The following FMN2 variants were observed in gnomAD, a reference collection of about 807,000 sequenced individuals.
FMN2 encodes the protein formin 2.
FMN2 carries 51 observed loss-of-function variants against 142.3 expected under a neutral mutation model. The observed-to-expected ratio is 0.36, with a 90% CI of 0.29 to 0.45. The LOEUF is 0.45. FMN2 is among the 20% of genes least tolerant of loss of function. The pLI, the probability that FMN2 is intolerant of heterozygous loss-of-function variation, is 1.00. For synonymous variants in FMN2, 882 were observed against 869.8 expected (o/e 1.01, Z -0.25); for missense variants, 1,936 against 2,122.8 (o/e 0.91, Z 1.73).
chr1:240,303,144 C>A (rs1193970529), intron 8 of FMN2, among the ~76,000 whole-genome samples: 1 of 152,128 alleles, frequency 6.6e-6, no homozygotes. Context: ...TCTCCTGCCT[C>A]AGATGATCTT....
At chr1:240,349,507 G>A (rs1390488891) in intron 13 of FMN2, among the ~76,000 whole-genome samples, 1 of 151,652 alleles carries the variant, frequency 6.6e-6, no homozygotes, top group East Asian at 1.9e-4. Flanking sequence ...AAAAAAAATA[G>A]CCAGACTCTT....
At chr1:240,152,827 CCTT>C (rs1663844139) in intron 2 of FMN2, among the ~76,000 whole-genome samples, 1 of 152,192 alleles carries the variant, frequency 6.6e-6, no homozygotes, top group Non-Finnish European at 1.5e-5. Context: ...GTCACCACCT[CCTT>C]CTCCCTTACT....
At chr1:240,153,358 G>C (rs1174091313) in intron 2 of FMN2, among the ~76,000 whole-genome samples, 1 of 147,748 alleles carries the variant, frequency 6.8e-6, no homozygotes, top group Non-Finnish European at 1.5e-5. Flanking sequence ...TTCTCAAAAA[G>C]TACCCATTGA....
intron 4 of FMN2, among the ~76,000 whole-genome samples, chr1:240,190,096 T>C (rs1252718137): frequency 6.6e-6 from 1 of 152,216 alleles, no homozygotes; most frequent in Non-Finnish European, 1.5e-5. Context: ...TTCATGTGTG[T>C]AACATTATAG....
intron 4 of FMN2, among the ~76,000 whole-genome samples, chr1:240,194,248 C>T (rs1665828384): frequency 1.3e-5 from 2 of 152,128 alleles, no homozygotes; most frequent in African/African-American, 4.8e-5. Context: ...AGAACATTTG[C>T]TTATATTCAT....
intron 13 of FMN2, among the ~76,000 whole-genome samples, chr1:240,334,522 A>G (rs185259524): frequency 5.3e-5 from 8 of 152,286 alleles, no homozygotes; most frequent in African/African-American, 1.9e-4. Flanking sequence ...ACATTTTGGT[A>G]TTGGTCATGT....
chr1:240,328,168 A>AAAAAAAAAG (rs1553363688), intron 8 of FMN2, among the ~76,000 whole-genome samples: 2 of 135,872 alleles, frequency 1.5e-5, no homozygotes, highest in Admixed American at 1.7e-4. Context: ...AAAAAAAAAA[A>AAAAAAAAAG]AAAAGAAAAA....
rs191724831 is a variant in FMN2 at position 240,109,420 on chromosome 1, T to C, written c.1616-13759T>C. 2.4e-4 allele frequency among the ~76,000 whole-genome samples: 37 copies of C among 152,322 alleles called. No homozygotes were observed. In the East Asian group the frequency reaches 6.0e-3, roughly 25 times the overall value. ...AAGGTTACATGCACCATCAAGGGTA[T>C]TGGGAGAAGAGCATCTCCTACTGTC... is the stretch of plus-strand genomic sequence containing the variant. On this transcript the variant is annotated intron_variant, in intron 1 of 17. Transcript: ENST00000319653.
chr1:240,111,898 A>G (rs1284972905), intron 1 of FMN2, among the ~76,000 whole-genome samples: 2 of 152,178 alleles, frequency 1.3e-5, no homozygotes, highest in African/African-American at 4.8e-5. Context: ...TACTTCATGA[A>G]GTCAAGGTAC....
intron 6 of FMN2, among the ~76,000 whole-genome samples, chr1:240,227,204 A>G (rs1667339908): frequency 6.6e-6 from 1 of 152,240 alleles, no homozygotes; most frequent in Non-Finnish European, 1.5e-5. Context: ...CTCCCTTTGC[A>G]GTATTATTAA....
intron 1 of FMN2, among the ~76,000 whole-genome samples, chr1:240,118,293 G>A (rs567330491): frequency 2.6e-5 from 4 of 152,322 alleles, no homozygotes; most frequent in Admixed American, 6.5e-5. Flanking sequence ...AGGGCAACGG[G>A]TAGCACAGCA....
At chr1:240,230,602 G>A (rs1249137193) in intron 6 of FMN2, among the ~76,000 whole-genome samples, 1 of 131,588 alleles carries the variant, frequency 7.6e-6, no homozygotes, top group Non-Finnish European at 1.6e-5. Context: ...TATATGGATT[G>A]TAATGTTGCC....
At chr1:240,425,605 A>G (rs1558484253) in intron 15 of FMN2, among the ~76,000 whole-genome samples, 1 of 152,194 alleles carries the variant, frequency 6.6e-6, no homozygotes, top group Non-Finnish European at 1.5e-5. Context: ...GACAGTGCTT[A>G]TCATTTTCTG....
At chr1:240,158,070 A>AT in intron 2 of FMN2, among the ~76,000 whole-genome samples, 1 of 151,744 alleles carries the variant, frequency 6.6e-6, no homozygotes, top group South Asian at 2.1e-4. Context: ...TTTAAAATTA[A>AT]TTTTTTAAAT....
chr1:240,210,195 A>C (rs544732495), intron 5 of FMN2, among the ~76,000 whole-genome samples: 1 of 152,310 alleles, frequency 6.6e-6, no homozygotes, highest in East Asian at 1.9e-4. Context: ...CGTGTTGCCT[A>C]GTCATTGAGA....
At chr1:240,111,911 A>G (rs1049064112) in intron 1 of FMN2, among the ~76,000 whole-genome samples, 2 of 152,174 alleles carry the variant, frequency 1.3e-5, no homozygotes, top group Non-Finnish European at 2.9e-5. Context: ...CAAGGTACAG[A>G]GTCCACGTGT....
At chr1:240,266,613 T>G (rs149313818) in intron 7 of FMN2, among the ~76,000 whole-genome samples, 164 of 152,246 alleles carry the variant, frequency 1.1e-3, no homozygotes, top group African/African-American at 3.9e-3. Context: ...AGGCCACCAT[T>G]GATGCACACC....
At chr1:240,123,517 A>AAAAG (rs1325267997) in intron 2 of FMN2, among the ~76,000 whole-genome samples, 172 bp downstream of exon 2, 1 of 150,902 alleles carries the variant, frequency 6.6e-6, no homozygotes, top group Non-Finnish European at 1.5e-5. Flanking sequence ...AAAAAAAAAA[A>AAAAG]AAAAAGAAAG....
intron 15 of FMN2, among the ~76,000 whole-genome samples, chr1:240,397,232 G>A (rs777631889): frequency 4.6e-5 from 7 of 152,136 alleles, no homozygotes; most frequent in Admixed American, 3.3e-4. Flanking sequence ...TTCCATGTTT[G>A]TTGGCCACTT....
Sources: gnomAD v4.1 joint callset for allele counts (sites outside exome capture counted in the v4.1 genomes callset) on GRCh38, gnomAD v4.1.1 for gene constraint, MANE v1.5 for transcripts, NCBI Gene and HGNC (gene_info 2026-07-23, HGNC 2026-07-21) for gene names.